The following MTCL1 variants were observed in gnomAD, a reference collection of about 807,000 sequenced individuals.
The protein encoded by MTCL1 is microtubule crosslinking factor 1.
MTCL1 carries 79 observed loss-of-function variants against 141.4 expected under a neutral mutation model. The ratio of observed to expected loss-of-function variants is 0.56; its 90% CI spans 0.47 to 0.67. MTCL1 has a LOEUF of 0.67. MTCL1 is among the 30% of genes least tolerant of loss of function. The pLI is 0.00. For missense variants in MTCL1, 2,177 were observed against 2,113.9 expected (o/e 1.03, Z -0.59); for synonymous variants, 914 against 875.8 (o/e 1.04, Z -0.77).
intron 7 of MTCL1, chr18:8,789,428 C>T (rs776057229): frequency 2.0e-6 from 2 of 985,290 alleles, no homozygotes; most frequent in Non-Finnish European, 1.2e-6. Context: ...CCATGAAAAG[C>T]CTTCCTTTTC....
chr18:8,735,445 C>T (rs1276197291), intron 4 of MTCL1, among the ~76,000 whole-genome samples: 3 of 152,128 alleles, frequency 2.0e-5, no homozygotes, highest in Non-Finnish European at 4.4e-5. Flanking sequence ...GAACCCTTGC[C>T]GGAATGTGGG....
At chr18:8,755,091 C>T (rs1334316422) in intron 4 of MTCL1, among the ~76,000 whole-genome samples, 1 of 152,216 alleles carries the variant, frequency 6.6e-6, no homozygotes, top group Admixed American at 6.5e-5. Flanking sequence ...CCGCCTGTTG[C>T]ACCAAATGCC....
intron 5 of MTCL1, among the ~76,000 whole-genome samples, chr18:8,780,650 A>G (rs2096529653): frequency 6.6e-6 from 1 of 152,234 alleles, no homozygotes; most frequent in African/African-American, 2.4e-5. Context: ...AGTGTTTACA[A>G]TCCATTTCCA....
intron 4 of MTCL1, among the ~76,000 whole-genome samples, chr18:8,774,251 C>A (rs978366988): frequency 9.5e-6 from 1 of 104,904 alleles, no homozygotes; most frequent in Non-Finnish European, 2.0e-5. Context: ...ACACTCTTTT[C>A]GAATGTGTGT....
intron 4 of MTCL1, among the ~76,000 whole-genome samples, chr18:8,762,777 G>A (rs73939530): frequency 0.032 from 4,844 of 152,220 alleles, 213 homozygotes; most frequent in East Asian, 0.11. Context: ...AGCCCCTCTC[G>A]GTGAGGGGCA....
At chr18:8,809,680 C>G in intron 11 of MTCL1, 2 of 1,446,396 alleles carry the variant, frequency 1.4e-6, no homozygotes, top group Non-Finnish European at 1.8e-6. Flanking sequence ...CATGAGACGC[C>G]GTGGAGCAAC....
At chr18:8,770,164 G>A (rs1305912933) in intron 4 of MTCL1, among the ~76,000 whole-genome samples, 1 of 152,136 alleles carries the variant, frequency 6.6e-6, no homozygotes, top group Admixed American at 6.5e-5. Flanking sequence ...CTTAGGGTTG[G>A]GCCCAGGTTG....
chr18:8,737,752 CT>C (rs1192841977), intron 4 of MTCL1, among the ~76,000 whole-genome samples: 2 of 152,202 alleles, frequency 1.3e-5, no homozygotes, highest in Non-Finnish European at 2.9e-5. Context: ...ACTTTCAGAA[CT>C]GTTCAAGAAC....
intron 4 of MTCL1, among the ~76,000 whole-genome samples, chr18:8,736,120 G>A (rs928312789): frequency 2.0e-5 from 3 of 152,026 alleles, no homozygotes; most frequent in African/African-American, 4.8e-5. Flanking sequence ...TGGACAAATC[G>A]TATTTCACCT....
At position 8,830,022 on chromosome 18, in the gene MTCL1, G is replaced by A; in HGVS notation, c.*18+1058G>A. ...GGTGTCAGATAAACCTATGACAGCA[G>A]CTTCACCAACACACAACACACACAG... On this transcript the variant is annotated intron_variant, in intron 16 of 16. Transcript: ENST00000359865. This position sits in a 1 kb window ranked among gnomAD's most constrained non-coding sequence, Gnocchi z 6.4. The A allele has an allele frequency of 2.0e-6, 2 of 985,512 alleles. No homozygotes were observed. Among genetic ancestry groups the A allele is most frequent in the Non-Finnish European group, 2.4e-6 (2 of 830,030 alleles). The allele number at this position is 985,512 out of a possible 1,614,324, so 61.0% of individuals were successfully genotyped here.
intron 4 of MTCL1, among the ~76,000 whole-genome samples, chr18:8,765,454 T>G (rs2096455359): frequency 6.6e-6 from 1 of 152,204 alleles, no homozygotes; most frequent in Admixed American, 6.5e-5. Flanking sequence ...AGCTGTGATA[T>G]GGGCAAGCAG....
At chr18:8,778,000 C>A in intron 5 of MTCL1, 108 bp downstream of exon 4, 2 of 998,764 alleles carry the variant, frequency 2.0e-6, no homozygotes, top group African/African-American at 1.6e-5. Context: ...TCCAAAGAAA[C>A]ATTACCTGCC....
At chr18:8,786,380 T>G (rs112294692) in intron 7 of MTCL1, 3 of 633,106 alleles carry the variant, frequency 4.7e-6, no homozygotes, top group South Asian at 1.5e-5. Flanking sequence ...GTAGGCTGAT[T>G]GGTGAGTGCG....
rs1046853916 is a variant in MTCL1, at chr18:8,717,860, C to T, written c.-86-44C>T. 6.1e-6 allele frequency: 6 copies of T among 981,400 alleles called. No homozygotes were observed. In the African/African-American group the frequency reaches 8.8e-5, roughly 14 times the overall value. The allele number at this position is 981,400 out of a possible 1,614,324, so 60.8% of individuals were successfully genotyped here. On this transcript the variant is annotated intron_variant, in intron 1 of 16. Transcript: ENST00000359865. ...ATAGGTGAATGGGAAAAAACAGACC[C>T]AATGTGTATTTAAAATAATGGAAAA...
intron 11 of MTCL1, chr18:8,809,443 G>T: frequency 5.2e-6 from 8 of 1,534,880 alleles, no homozygotes; most frequent in Non-Finnish European, 6.1e-6. Flanking sequence ...TCCATTTCCC[G>T]TTAGAATTGT....
chr18:8,807,397 C>T, intron 11 of MTCL1, among the ~76,000 whole-genome samples: 1 of 152,206 alleles, frequency 6.6e-6, no homozygotes, highest in East Asian at 1.9e-4. Flanking sequence ...TAGACAGGAG[C>T]AAAGCAAAAG....
At chr18:8,722,040 A>C (rs1244297707) in intron 4 of MTCL1, among the ~76,000 whole-genome samples, 1 of 152,152 alleles carries the variant, frequency 6.6e-6, no homozygotes, top group Non-Finnish European at 1.5e-5. Context: ...CCCTTAACTT[A>C]GACTTGTGTC....
intron 4 of MTCL1, among the ~76,000 whole-genome samples, chr18:8,727,179 C>T (rs2096221323): frequency 6.6e-6 from 1 of 151,746 alleles, no homozygotes; most frequent in Non-Finnish European, 1.5e-5. Context: ...ATATATACCA[C>T]ACTTTCTTTA....
chr18:8,717,608 C>T (rs1031900442), intron 1 of MTCL1, among the ~76,000 whole-genome samples: 1 of 152,170 alleles, frequency 6.6e-6, no homozygotes, highest in Non-Finnish European at 1.5e-5. Context: ...GCCAGCTGAG[C>T]AGTGGGCACC....
Sources: allele counts gnomAD v4.1 joint callset (sites outside exome capture counted in the v4.1 genomes callset), GRCh38; gene constraint gnomAD v4.1.1; non-coding constraint Gnocchi (gnomAD v3.1); transcripts MANE v1.5; gene names NCBI Gene and HGNC (gene_info 2026-07-23, HGNC 2026-07-21).